RAPGEF5: variants seen among roughly 807,000 people sequenced by gnomAD.
RAPGEF5 encodes Rap guanine nucleotide exchange factor 5, also known as M-Ras-regulated GEF.
Under a neutral mutation model 125.2 loss-of-function variants are expected in RAPGEF5, and 65 were observed. The observed-to-expected ratio is 0.52, with a 90% confidence interval of 0.43 to 0.64. The LOEUF (loss-of-function observed/expected upper bound fraction) is 0.64, where lower values mean the gene tolerates loss of function less well. Ranked by LOEUF, RAPGEF5 falls within the 30% of genes least tolerant of loss-of-function variation. RAPGEF5 has a pLI of 0.00. For missense variants in RAPGEF5, 958 were observed against 1,048.1 expected, an observed-to-expected ratio of 0.91 and a Z score of 1.19; for synonymous variants, 391 against 385.9, an observed-to-expected ratio of 1.01 and a Z score of -0.16.
intron 20 of RAPGEF5, among the ~76,000 whole-genome samples, chr7:22,140,498 A>AT (rs1362184110): frequency 6.6e-6 from 1 of 151,976 alleles, no homozygotes; most frequent in Admixed American, 6.6e-5. Flanking sequence ...ATGTTTTTTC[A>AT]TTTTTTGACA....
intron 11 of RAPGEF5, among the ~76,000 whole-genome samples, chr7:22,178,535 C>T (rs943095092): frequency 9.2e-5 from 14 of 152,194 alleles, no homozygotes; most frequent in African/African-American, 2.9e-4. Flanking sequence ...CTGTTAAGGG[C>T]TCACTAAACT....
At chr7:22,244,209 C>CAT (rs759945981) in intron 7 of RAPGEF5, among the ~76,000 whole-genome samples, 16 of 151,562 alleles carry the variant, frequency 1.1e-4, no homozygotes, top group African/African-American at 3.2e-4. Flanking sequence ...TGTGTATATA[C>CAT]ATATATATAT....
At chr7:22,280,528 G>A (rs1252830102) in intron 6 of RAPGEF5, among the ~76,000 whole-genome samples, 1 of 152,140 alleles carries the variant, frequency 6.6e-6, no homozygotes, top group Non-Finnish European at 1.5e-5. Flanking sequence ...ACTGCTCTGA[G>A]AAAGCTGAAA....
chr7:22,195,306 T>C (rs1785121789), intron 9 of RAPGEF5, among the ~76,000 whole-genome samples: 1 of 152,174 alleles, frequency 6.6e-6, no homozygotes, highest in South Asian at 2.1e-4. Flanking sequence ...TTGCCCTAAT[T>C]GCCAGCCAAA....
At chr7:22,320,328 G>A (rs1783690540) in intron 1 of RAPGEF5, among the ~76,000 whole-genome samples, 1 of 152,120 alleles carries the variant, frequency 6.6e-6, no homozygotes, top group East Asian at 1.9e-4. Context: ...CTGTACTTCC[G>A]CAGAGACCAC....
chr7:22,304,295 T>G (rs1783280990), intron 5 of RAPGEF5, among the ~76,000 whole-genome samples: 1 of 152,212 alleles, frequency 6.6e-6, no homozygotes, highest in Non-Finnish European at 1.5e-5. Flanking sequence ...AATGACAATT[T>G]TGCTGTATGA....
intron 8 of RAPGEF5, among the ~76,000 whole-genome samples, chr7:22,222,206 A>G (rs555234986): frequency 5.7e-4 from 87 of 152,172 alleles, no homozygotes; most frequent in Non-Finnish European, 1.3e-4. Flanking sequence ...AGATCACGCC[A>G]GTGCACTGGA....
intron 11 of RAPGEF5, among the ~76,000 whole-genome samples, chr7:22,176,469 T>C (rs544877439): frequency 6.6e-6 from 1 of 152,204 alleles, no homozygotes; most frequent in Non-Finnish European, 1.5e-5. Context: ...TAAGAAGATA[T>C]TCTACAAAAC....
At chr7:22,261,100 C>T (rs554946838) in intron 7 of RAPGEF5, among the ~76,000 whole-genome samples, 3 of 152,126 alleles carry the variant, frequency 2.0e-5, no homozygotes, top group Admixed American at 6.5e-5. Context: ...AAGTCCTAAA[C>T]GTGAAAAACA....
chr7:22,168,042 C>T (rs951233186), intron 11 of RAPGEF5, among the ~76,000 whole-genome samples: 1 of 152,072 alleles, frequency 6.6e-6, no homozygotes, highest in Non-Finnish European at 1.5e-5. Flanking sequence ...ACATTCCAGA[C>T]ATCACATTTT....
chr7:22,190,250 TGACA>T (rs56873165), intron 11 of RAPGEF5, among the ~76,000 whole-genome samples: 41,426 of 151,776 alleles, frequency 0.27, 6,080 homozygotes, highest in Admixed American at 0.36. Flanking sequence ...CCAGCCTGGG[TGACA>T]GACAGACACT....
chr7:22,303,706 A>T (rs1783266052), intron 5 of RAPGEF5, among the ~76,000 whole-genome samples: 1 of 152,242 alleles, frequency 6.6e-6, no homozygotes, highest in East Asian at 1.9e-4. Context: ...TCAAGAGGGC[A>T]CTTGAATAAA....
intron 7 of RAPGEF5, among the ~76,000 whole-genome samples, chr7:22,263,169 T>G (rs537090376): frequency 1.5e-4 from 23 of 152,226 alleles, no homozygotes; most frequent in African/African-American, 5.3e-4. Context: ...AAAGAGGTAG[T>G]GGAAAGTCAG....
intron 25 of RAPGEF5, among the ~76,000 whole-genome samples, chr7:22,124,915 G>T (rs1252801750): frequency 1.3e-5 from 2 of 152,132 alleles, no homozygotes; most frequent in African/African-American, 4.8e-5. Flanking sequence ...ATCCCCATTT[G>T]CTAGGACTGA....
intron 11 of RAPGEF5, among the ~76,000 whole-genome samples, chr7:22,191,808 GAACACA>G (rs1785005643): frequency 6.6e-6 from 1 of 152,160 alleles, no homozygotes; most frequent in South Asian, 2.1e-4. Context: ...AAAGTAAAGA[GAACACA>G]AACTAATGAC....
chr7:22,331,767 A>C (rs1783926321), intron 1 of RAPGEF5, among the ~76,000 whole-genome samples: 1 of 151,792 alleles, frequency 6.6e-6, no homozygotes, highest in Admixed American at 6.6e-5. Context: ...AAAAAGAAAA[A>C]AGAAAAAGTT....
chr7:22,154,345 C>A, intron 17 of RAPGEF5, 110 bp downstream of exon 17: 1 of 1,258,880 alleles, frequency 7.9e-7, no homozygotes. Context: ...GGTCATCCAG[C>A]TGCGGGCCCA....
intron 9 of RAPGEF5, chr7:22,194,753 T>C (rs1310772566): frequency 1.0e-6 from 1 of 985,436 alleles, no homozygotes; most frequent in Non-Finnish European, 1.2e-6. Flanking sequence ...AAAGGAGAGA[T>C]GGCTGAACAC....
intron 5 of RAPGEF5, chr7:22,298,527 A>C (rs567339568): frequency 1.3e-5 from 2 of 152,258 alleles, no homozygotes; most frequent in African/African-American, 4.8e-5. Context: ...TGGCCTCATA[A>C]AATGAATGTG....
Sources: gnomAD v4.1 joint callset for allele counts (sites outside exome capture counted in the v4.1 genomes callset) on GRCh38, gnomAD v4.1.1 for gene constraint, MANE v1.5 for transcripts, NCBI Gene and HGNC (gene_info 2026-07-23, HGNC 2026-07-21) for gene names.